GAB1: variants seen among roughly 807,000 people sequenced by gnomAD.
The protein encoded by GAB1 is GRB2-associated-binding protein 1.
In GAB1, 19 loss-of-function variants were observed where a neutral mutation model predicts 66.5. The ratio of observed to expected loss-of-function variants is 0.29; its 90% CI spans 0.20 to 0.42. GAB1 has a LOEUF of 0.42. GAB1 is among the 10% of genes least tolerant of loss of function. The pLI, the probability that GAB1 is intolerant of heterozygous loss-of-function variation, is 1.00. For missense variants in GAB1, 732 were observed against 858.5 expected (o/e 0.85, Z 1.84); for synonymous variants, 294 against 301.4 (o/e 0.98, Z 0.25).
intron 1 of GAB1, among the ~76,000 whole-genome samples, chr4:143,390,517 T>C (rs1382209711): frequency 6.6e-6 from 1 of 152,052 alleles, no homozygotes; most frequent in South Asian, 2.1e-4. Flanking sequence ...CACTACTCTT[T>C]TGTCTCAACC....
intron 1 of GAB1, among the ~76,000 whole-genome samples, chr4:143,364,290 A>G (rs138830124): frequency 1.2e-4 from 18 of 151,750 alleles, no homozygotes; most frequent in Admixed American, 5.9e-4. Context: ...TCCTACGTGC[A>G]TGGGCTTGTG....
intron 1 of GAB1, chr4:143,381,928 C>A (rs1248360056): frequency 1.3e-5 from 2 of 152,188 alleles, no homozygotes; most frequent in African/African-American, 4.8e-5. Context: ...GCCAGGCCAG[C>A]ATTACTGAGG....
At chr4:143,360,580 A>C (rs928863262) in intron 1 of GAB1, among the ~76,000 whole-genome samples, 2 of 152,218 alleles carry the variant, frequency 1.3e-5, no homozygotes, top group Non-Finnish European at 2.9e-5. Flanking sequence ...TTGGCAAAAC[A>C]AACTCTTTTT....
chr4:143,353,097 A>G (rs1195494203), intron 1 of GAB1, among the ~76,000 whole-genome samples: 2 of 152,256 alleles, frequency 1.3e-5, no homozygotes, highest in Non-Finnish European at 2.9e-5. Context: ...GTTTATGAAT[A>G]GCTTAAAGAT....
At chr4:143,338,249 T>A (rs1728723274) in intron 1 of GAB1, among the ~76,000 whole-genome samples, 1 of 152,218 alleles carries the variant, frequency 6.6e-6, no homozygotes. Context: ...GAAATGACAC[T>A]TTTGTGCTGA....
intron 1 of GAB1, among the ~76,000 whole-genome samples, chr4:143,362,449 G>A (rs963215378): frequency 3.0e-4 from 45 of 152,244 alleles, no homozygotes; most frequent in Admixed American, 1.8e-3. Context: ...AGAGCAGCCC[G>A]AGGGCTGCTG....
At chr4:143,403,149 T>C (rs1279359220) in intron 1 of GAB1, among the ~76,000 whole-genome samples, 1 of 152,216 alleles carries the variant, frequency 6.6e-6, no homozygotes, top group Non-Finnish European at 1.5e-5. Context: ...TTTCTTTTTT[T>C]TTTGTTTTTA....
In GAB1 at chr4:143,408,876, C is replaced by T. The variant is rs973503347; in HGVS notation, c.73-6601C>T. On this transcript the variant is annotated intron_variant, in intron 1 of 9. Coordinates refer to ENST00000262994, the MANE Select transcript of GAB1 (RefSeq NM_002039.4). Reference sequence around the variant, plus strand: ...AAAAATTCCGCTCTACTTTTTTCCCCACACTTTCTCAGGAAAAGAGCGGGT... The same window carrying T: ...AAAAATTCCGCTCTACTTTTTTCCCTACACTTTCTCAGGAAAAGAGCGGGT... Among the ~76,000 whole-genome samples, 86 of 152,072 alleles carry T rather than the reference C, an allele frequency of 5.7e-4. 1 individual carries two copies. Among genetic ancestry groups the T allele is most frequent in the African/African-American group, 1.9e-3 (79 of 41,410 alleles).
At chr4:143,428,160 G>C (rs1164427522) in intron 2 of GAB1, among the ~76,000 whole-genome samples, 1 of 152,198 alleles carries the variant, frequency 6.6e-6, no homozygotes, top group Non-Finnish European at 1.5e-5. Context: ...TTAATCGGTA[G>C]GGATAAGTCA....
intron 2 of GAB1, chr4:143,425,311 T>G: frequency 1.2e-6 from 1 of 817,824 alleles, no homozygotes. Flanking sequence ...AGAGCCATGC[T>G]GAAGTTTGCT....
chr4:143,439,775 A>G (rs1734124965), intron 4 of GAB1, 27 bp from the exon 5 acceptor site: 3 of 1,527,484 alleles, frequency 2.0e-6, no homozygotes, highest in Non-Finnish European at 2.7e-6. Context: ...ATGGGAATAA[A>G]TGTTGATAGT....
In GAB1 at chr4:143,473,329, T is replaced by C. The variant is rs952860835; in HGVS notation, c.*4140T>C. On this transcript the variant is annotated 3_prime_UTR_variant, in exon 10 of 10. Transcript: ENST00000262994. ...GTTTCAAGACCTTAAATAGACAAGTTGGATACTAAGATTGTGAACTGATAA... is the reference window on the plus strand; with the variant it reads ...GTTTCAAGACCTTAAATAGACAAGTCGGATACTAAGATTGTGAACTGATAA... 1 of 152,244 alleles carries C rather than the reference T, an allele frequency of 6.6e-6. No homozygotes were observed. Among genetic ancestry groups the C allele is most frequent in the African/African-American group, 2.4e-5 (1 of 41,474 alleles). The allele number at this position is 152,244 out of a possible 1,614,324, so 9.4% of individuals were successfully genotyped here.
intron 7 of GAB1, 46 bp from the exon 8 acceptor site, chr4:143,460,318 T>C: frequency 1.3e-6 from 2 of 1,591,282 alleles, no homozygotes; most frequent in East Asian, 2.2e-5. Context: ...TAATTTTAGA[T>C]ATTTTTGTCA....
At chr4:143,440,409 G>A in intron 6 of GAB1, 27 bp downstream of exon 6, 1 of 1,555,216 alleles carries the variant, frequency 6.4e-7, no homozygotes, top group Non-Finnish European at 8.7e-7. Context: ...AAAGTAAAAG[G>A]CTTGGGGAGT....
intron 1 of GAB1, among the ~76,000 whole-genome samples, chr4:143,351,475 T>C (rs1381802314): frequency 6.6e-6 from 1 of 152,128 alleles, no homozygotes; most frequent in Non-Finnish European, 1.5e-5. Flanking sequence ...GTCCAGCCGC[T>C]TGTGTCTGCC....
At chr4:143,434,395 G>T in intron 3 of GAB1, among the ~76,000 whole-genome samples, 1 of 149,276 alleles carries the variant, frequency 6.7e-6, no homozygotes. Flanking sequence ...GGAGACAAGG[G>T]CTTGCTCTGT....
In GAB1 at chr4:143,337,664, G is replaced by C. The variant is rs543413183; in HGVS notation, c.72+404G>C. Among the ~76,000 whole-genome samples, 18 of 152,280 alleles carry C rather than the reference G, an allele frequency of 1.2e-4. No homozygotes were observed. The East Asian group carries it at 3.5e-3, about 29-fold the overall frequency. On this transcript the variant is annotated intron_variant, in intron 1 of 9. Transcript: ENST00000262994. Reference sequence around the variant, plus strand: ...ATGTGTGCTAAAGCTCCCGCACCGGGAAAACTGCCGAGGTTTTAGGGCTCA... The same window carrying C: ...ATGTGTGCTAAAGCTCCCGCACCGGCAAAACTGCCGAGGTTTTAGGGCTCA...
chr4:143,404,636 A>T (rs1383079288), intron 1 of GAB1, among the ~76,000 whole-genome samples: 1 of 152,160 alleles, frequency 6.6e-6, no homozygotes, highest in Non-Finnish European at 1.5e-5. Flanking sequence ...GTGTGGTCCC[A>T]GCTACTGGAC....
chr4:143,342,321 A>G (rs1052916958), intron 1 of GAB1, among the ~76,000 whole-genome samples: 1 of 152,154 alleles, frequency 6.6e-6, no homozygotes, highest in African/African-American at 2.4e-5. Context: ...TTAAGAGATC[A>G]TCTTGGAACA....
Sources: allele counts gnomAD v4.1 joint callset (sites outside exome capture counted in the v4.1 genomes callset), GRCh38; gene constraint gnomAD v4.1.1; transcripts MANE v1.5; gene names NCBI Gene and HGNC (gene_info 2026-07-23, HGNC 2026-07-21).